Variants in FAT3 observed in about 807,000 individuals in gnomAD.
FAT3 encodes the protein FAT atypical cadherin 3.
In FAT3, 95 loss-of-function variants were observed where a neutral mutation model predicts 310.2. The ratio of observed to expected loss-of-function variants is 0.31; its 90% CI spans 0.26 to 0.36. FAT3 has a LOEUF of 0.36. Among genes scored for constraint, FAT3 ranks in the 10% least tolerant of loss-of-function variants. FAT3 has a pLI of 1.00. For missense variants in FAT3, 5,408 were observed against 5,715.6 expected, an observed-to-expected ratio of 0.95 and a Z score of 1.74; for synonymous variants, 2,314 against 2,192.9, an observed-to-expected ratio of 1.06 and a Z score of -1.54.
chr11:92,609,215 CTCCATTG>C, intron 3 of FAT3, among the ~76,000 whole-genome samples: 1 of 152,182 alleles, frequency 6.6e-6, no homozygotes, highest in Admixed American at 6.5e-5. Flanking sequence ...GACACTTTTG[CTCCATTG>C]TGTCTCTGTG....
intron 4 of FAT3, among the ~76,000 whole-genome samples, chr11:92,750,953 C>T (rs1207909153): frequency 1.3e-5 from 2 of 152,182 alleles, no homozygotes; most frequent in East Asian, 1.9e-4. Flanking sequence ...TCTGAGACCA[C>T]GTTCCACCTT....
chr11:92,733,624 A>C (rs1348880472), intron 4 of FAT3, among the ~76,000 whole-genome samples: 1 of 152,186 alleles, frequency 6.6e-6, no homozygotes, highest in African/African-American at 2.4e-5. Flanking sequence ...ACAGCTCTAT[A>C]AGCTTAAGTA....
chr11:92,533,280 C>T (rs1954141255), intron 3 of FAT3, among the ~76,000 whole-genome samples: 1 of 152,126 alleles, frequency 6.6e-6, no homozygotes, highest in Admixed American at 6.5e-5. Context: ...CTCCCATCTT[C>T]CCATGTGCTG....
At position 92,588,202 on chromosome 11, in the gene FAT3, C is replaced by T. The variant is rs7946596; in HGVS notation, c.3607+63254C>T. Among the ~76,000 whole-genome samples, 1,353 of 143,928 alleles carry T rather than the reference C, an allele frequency of 9.4e-3. 30 individuals carry two copies. Among genetic ancestry groups the T allele is most frequent in the African/African-American group, 0.035 (1,287 of 36,614 alleles). The allele number at this position is 143,928 out of a possible 152,430, so 94.4% of individuals were successfully genotyped here. A position where few individuals can be genotyped will look rare whatever the true frequency, so the allele number is the denominator to read the frequency against. ...GTGGTGTCTCTTTTCTACCATTTAC[C>T]TTGGATTTTTTTTTTAGACCAACAG... On this transcript the variant is annotated intron_variant, in intron 3 of 27. Coordinates refer to ENST00000525166, the MANE Select transcript of FAT3 (RefSeq NM_001367949.2).
intron 2 of FAT3, among the ~76,000 whole-genome samples, chr11:92,359,735 T>G (rs970286351): frequency 1.4e-5 from 2 of 141,876 alleles, no homozygotes; most frequent in African/African-American, 5.4e-5. Flanking sequence ...CGGTGTTTGG[T>G]TTTTTGTTCT....
chr11:92,867,300 A>G, intron 22 of FAT3, 91 bp downstream of exon 22: 1 of 1,297,216 alleles, frequency 7.7e-7, no homozygotes, highest in South Asian at 1.5e-5. Flanking sequence ...CAACGCAAGG[A>G]CTCTACTAGA....
At chr11:92,624,013 CATTATGCTAGATACAA>C (rs1941212177) in intron 3 of FAT3, among the ~76,000 whole-genome samples, 4 of 152,116 alleles carry the variant, frequency 2.6e-5, no homozygotes, top group Admixed American at 2.6e-4. Context: ...TTGTGGCCAG[CATTATGCTAGATACAA>C]ATACAAATGG....
chr11:92,842,608 A>C (rs1948580570), intron 18 of FAT3, among the ~76,000 whole-genome samples: 1 of 152,262 alleles, frequency 6.6e-6, no homozygotes, highest in African/African-American at 2.4e-5. Context: ...ACAGTGGCTC[A>C]CACCTGTAAT....
intron 2 of FAT3, among the ~76,000 whole-genome samples, chr11:92,373,759 TGCAC>T (rs1949260574): frequency 1.6e-5 from 2 of 122,906 alleles, no homozygotes; most frequent in Non-Finnish European, 3.4e-5. Context: ...GAGATATGTA[TGCAC>T]ACACACACAC....
chr11:92,280,220 C>A (rs1447101271), intron 1 of FAT3, among the ~76,000 whole-genome samples: 2 of 152,118 alleles, frequency 1.3e-5, no homozygotes, highest in African/African-American at 4.8e-5. Flanking sequence ...CTCTGACTAG[C>A]TTTTCCATTT....
At position 92,257,428 on chromosome 11, in the gene FAT3, G is replaced by T. The variant is rs565512296; in HGVS notation, c.-18+32254G>T. On this transcript the variant is annotated intron_variant, in intron 1 of 27. Transcript: ENST00000525166. Reference sequence around the variant, plus strand: ...GGAAGTAGACTGGAAAATTGCTGGAGAGTGAACTATAGGGAACAATCTTGA... The same window carrying T: ...GGAAGTAGACTGGAAAATTGCTGGATAGTGAACTATAGGGAACAATCTTGA... Among the ~76,000 whole-genome samples, 25 of 152,224 alleles carry T rather than the reference G, an allele frequency of 1.6e-4. 1 individual carries two copies. Among genetic ancestry groups the T allele is most frequent in the East Asian group, 9.7e-4 (5 of 5,174 alleles).
chr11:92,415,676 C>G (rs1950393084), intron 2 of FAT3, among the ~76,000 whole-genome samples: 1 of 152,040 alleles, frequency 6.6e-6, no homozygotes, highest in Middle Eastern at 3.2e-3. Flanking sequence ...GCAGATGGTT[C>G]AAAGCATCTG....
chr11:92,881,627 G>A (rs1407296759), intron 23 of FAT3, among the ~76,000 whole-genome samples: 3 of 152,100 alleles, frequency 2.0e-5, no homozygotes, highest in Middle Eastern at 3.2e-3. Context: ...GTTCAAATTA[G>A]GTTTCGTTTG....
At chr11:92,408,658 GTTGGGACTCC>G (rs1950188868) in intron 2 of FAT3, among the ~76,000 whole-genome samples, 1 of 152,186 alleles carries the variant, frequency 6.6e-6, no homozygotes, top group Non-Finnish European at 1.5e-5. Flanking sequence ...CATTTCTGAT[GTTGGGACTCC>G]TCTTAGTGAT....
At chr11:92,791,218 A>G (rs1206528533) in intron 8 of FAT3, among the ~76,000 whole-genome samples, 2 of 152,136 alleles carry the variant, frequency 1.3e-5, no homozygotes, top group Non-Finnish European at 1.5e-5. Flanking sequence ...TTCATTTAAC[A>G]AATATTTCTC....
intron 2 of FAT3, among the ~76,000 whole-genome samples, chr11:92,481,285 C>G (rs924865428): frequency 5.3e-5 from 8 of 150,566 alleles, no homozygotes; most frequent in African/African-American, 2.0e-4. Flanking sequence ...AAATATGTTT[C>G]TAAAGAATAT....
At chr11:92,521,547 G>C (rs1432689997) in intron 2 of FAT3, among the ~76,000 whole-genome samples, 1 of 152,032 alleles carries the variant, frequency 6.6e-6, no homozygotes, top group Non-Finnish European at 1.5e-5. Context: ...CCAAACTTTT[G>C]GTGTACATTT....
chr11:92,263,341 A>C (rs1466266483), intron 1 of FAT3, among the ~76,000 whole-genome samples: 2 of 151,760 alleles, frequency 1.3e-5, no homozygotes, highest in Non-Finnish European at 2.9e-5. Context: ...CACACACACC[A>C]CACACACACA....
chr11:92,761,626 G>T (rs915607091), intron 4 of FAT3, among the ~76,000 whole-genome samples: 1 of 152,042 alleles, frequency 6.6e-6, no homozygotes, highest in Non-Finnish European at 1.5e-5. Flanking sequence ...CAATCCTTAT[G>T]ATCTCATTTA....
Sources: allele counts gnomAD v4.1 joint callset (sites outside exome capture counted in the v4.1 genomes callset), GRCh38; gene constraint gnomAD v4.1.1; transcripts MANE v1.5; gene names NCBI Gene and HGNC (gene_info 2026-07-23, HGNC 2026-07-21).